HSD17B12: variants seen among roughly 807,000 people sequenced by gnomAD.
HSD17B12 encodes hydroxysteroid 17-beta dehydrogenase 12, also known as very-long-chain 3-oxoacyl-CoA reductase.
Under a neutral mutation model 39.3 loss-of-function variants are expected in HSD17B12, and 32 were observed. That is an observed-to-expected ratio of 0.81 (90% CI 0.61 to 1.09). The LOEUF is 1.09. Ranked by LOEUF, HSD17B12 falls within the 50% of genes least tolerant of loss-of-function variation. HSD17B12 has a pLI of 0.00. For synonymous variants in HSD17B12, 150 were observed against 146.7 expected (o/e 1.02, Z -0.16); for missense variants, 342 against 382.9 (o/e 0.89, Z 0.89).
At chr11:43,652,948 T>C in the HSD17B12 span, among the ~76,000 whole-genome samples, 1 of 152,168 alleles carries the variant, frequency 6.6e-6, no homozygotes, top group Admixed American at 6.5e-5. Flanking sequence ...CCAGTAAGGC[T>C]GGACAGTTCA....
the HSD17B12 span, among the ~76,000 whole-genome samples, chr11:43,557,139 T>C: frequency 2.0e-5 from 3 of 152,162 alleles, no homozygotes; most frequent in Non-Finnish European, 2.9e-5. Flanking sequence ...GGGTCTTGTA[T>C]GTGTGGTTTT....
intron 1 of HSD17B12, among the ~76,000 whole-genome samples, chr11:43,699,941 G>A (rs944331310): frequency 6.6e-6 from 1 of 152,170 alleles, no homozygotes; most frequent in African/African-American, 2.4e-5. Context: ...CCCAGTTATG[G>A]CTTATATCTA....
At chr11:43,818,236 G>A (rs1032429895) in intron 6 of HSD17B12, among the ~76,000 whole-genome samples, 1 of 152,100 alleles carries the variant, frequency 6.6e-6, no homozygotes, top group African/African-American at 2.4e-5. Context: ...GATAAGCATT[G>A]TACGGGGAAT....
chr11:43,809,005 A>G (rs1951044438), intron 4 of HSD17B12, among the ~76,000 whole-genome samples: 1 of 152,212 alleles, frequency 6.6e-6, no homozygotes, highest in Non-Finnish European at 1.5e-5. Flanking sequence ...GTAGAGGAGC[A>G]ATTAGGAGAA....
At chr11:43,578,019 G>A in the HSD17B12 span, among the ~76,000 whole-genome samples, 2 of 152,296 alleles carry the variant, frequency 1.3e-5, no homozygotes, top group African/African-American at 2.4e-5. Context: ...ATTATCAGAG[G>A]CAGAGGGGGA....
At chr11:43,714,948 T>C (rs975442385) in intron 1 of HSD17B12, among the ~76,000 whole-genome samples, 15 of 152,210 alleles carry the variant, frequency 9.9e-5, no homozygotes, top group Non-Finnish European at 1.9e-4. Flanking sequence ...TGTATAAGAA[T>C]GCTTGTGATT....
intron 1 of HSD17B12, among the ~76,000 whole-genome samples, chr11:43,730,149 T>C (rs995772110): frequency 5.3e-5 from 8 of 152,130 alleles, no homozygotes; most frequent in Non-Finnish European, 1.0e-4. Context: ...TGCAACTACA[T>C]TGTAAAGATG....
At chr11:43,595,204 G>A in the HSD17B12 span, among the ~76,000 whole-genome samples, 3 of 152,180 alleles carry the variant, frequency 2.0e-5, no homozygotes, top group Non-Finnish European at 4.4e-5. Flanking sequence ...AGGCTCCGCC[G>A]ACCTCAAGCT....
chr11:43,572,354 A>AT, the HSD17B12 span, among the ~76,000 whole-genome samples: 2 of 152,152 alleles, frequency 1.3e-5, no homozygotes, highest in African/African-American at 4.8e-5. Context: ...TCTTAGGAGG[A>AT]ATAGATCAGT....
At chr11:43,775,926 A>G (rs1013520203) in intron 3 of HSD17B12, among the ~76,000 whole-genome samples, 6 of 152,030 alleles carry the variant, frequency 3.9e-5, no homozygotes, top group African/African-American at 1.4e-4. Flanking sequence ...TGTCCCTACG[A>G]AGGACATGAA....
the HSD17B12 span, among the ~76,000 whole-genome samples, chr11:43,630,521 A>G: frequency 6.6e-6 from 1 of 152,174 alleles, no homozygotes; most frequent in African/African-American, 2.4e-5. Flanking sequence ...AAACAGGACA[A>G]GCATATCTAG....
At chr11:43,692,439 G>A (rs7106967) in intron 1 of HSD17B12, among the ~76,000 whole-genome samples, 74,494 of 151,994 alleles carry the variant, frequency 0.49, 18,700 homozygotes, top group Non-Finnish European at 0.53. Flanking sequence ...TCCTTGAATA[G>A]TATTGGTAAC....
chr11:43,582,791 A>G, the HSD17B12 span, among the ~76,000 whole-genome samples: 1 of 152,188 alleles, frequency 6.6e-6, no homozygotes, highest in South Asian at 2.1e-4. Flanking sequence ...TAAGACTGTG[A>G]GAAGGCACGG....
chr11:43,603,802 T>C, the HSD17B12 span, among the ~76,000 whole-genome samples: 6 of 152,222 alleles, frequency 3.9e-5, no homozygotes, highest in African/African-American at 1.4e-4. Context: ...AATATCTCGT[T>C]TCTAATAAAA....
At chr11:43,584,059 G>C in the HSD17B12 span, among the ~76,000 whole-genome samples, 3 of 152,204 alleles carry the variant, frequency 2.0e-5, no homozygotes, top group Non-Finnish European at 4.4e-5. Flanking sequence ...GCTGGGCCAG[G>C]CAAAGCAGTT....
chr11:43,718,866 G>A (rs1268967200), intron 1 of HSD17B12: 2 of 882,222 alleles, frequency 2.3e-6, no homozygotes, highest in Non-Finnish European at 3.8e-6. Flanking sequence ...CCTCGGAAAA[G>A]CACCCTCAGG....
At chr11:43,615,670 C>T in the HSD17B12 span, among the ~76,000 whole-genome samples, 3 of 152,168 alleles carry the variant, frequency 2.0e-5, no homozygotes, top group African/African-American at 4.8e-5. Flanking sequence ...TTTTTTCCCC[C>T]TGACTGTTGT....
chr11:43,660,847 G>A, the HSD17B12 span, among the ~76,000 whole-genome samples: 4 of 152,156 alleles, frequency 2.6e-5, no homozygotes, highest in African/African-American at 7.2e-5. Flanking sequence ...CAGACTGGCC[G>A]GGTTCTCTGG....
At chr11:43,840,504 A>G (rs1187381496) in intron 9 of HSD17B12, among the ~76,000 whole-genome samples, 1 of 152,018 alleles carries the variant, frequency 6.6e-6, no homozygotes, top group Non-Finnish European at 1.5e-5. Context: ...TCATCTTCCA[A>G]AACTGAAACT....
Sources: gnomAD v4.1 joint callset for allele counts (sites outside exome capture counted in the v4.1 genomes callset) on GRCh38, gnomAD v4.1.1 for gene constraint, MANE v1.5 for transcripts, NCBI Gene and HGNC (gene_info 2026-07-23, HGNC 2026-07-21) for gene names.